ZBTB21: variants seen among roughly 807,000 people sequenced by gnomAD.
The protein encoded by ZBTB21 is zinc finger and BTB domain-containing protein 21.
In ZBTB21, 10 loss-of-function variants were observed where a neutral mutation model predicts 39.8. That is an observed-to-expected ratio of 0.25 (90% CI 0.16 to 0.43). ZBTB21 has a LOEUF of 0.43. Among genes scored for constraint, ZBTB21 ranks in the 20% least tolerant of loss-of-function variants. The probability of loss-of-function intolerance (pLI) is 1.00; values close to 1 mark genes in which losing one functional copy is unlikely to be tolerated. For synonymous variants in ZBTB21, 551 were observed against 498.8 expected (o/e 1.10, Z -1.40); for missense variants, 1,221 against 1,296.3 (o/e 0.94, Z 0.89).
intron 1 of ZBTB21, among the ~76,000 whole-genome samples, chr21:42,005,105 G>A (rs1046264788): frequency 4.6e-5 from 7 of 152,196 alleles, no homozygotes; most frequent in Non-Finnish European, 1.0e-4. Context: ...CCACATTCAG[G>A]AGAATGATCC....
intron 2 of ZBTB21, among the ~76,000 whole-genome samples, chr21:42,001,631 A>C (rs1162620177): frequency 6.6e-6 from 1 of 152,232 alleles, no homozygotes; most frequent in East Asian, 1.9e-4. Context: ...AGAGATAGGA[A>C]GGATGAAGGA....
rs184012580 is a variant in ZBTB21 at position 41,989,587 on chromosome 21, C to T, written c.*1308G>A. The T allele has an allele frequency of 7.9e-5, 12 of 151,942 alleles. No individual in the cohort carries two copies. The highest frequency in any genetic ancestry group is 2.9e-4 in the African/African-American group (12 of 41,476). 9.4% of individuals were successfully genotyped at this position (151,942 alleles called of 1,614,324 possible). ...TATCCTACTGAAAGGCTTTCAATTACAAATTATACATAGTATTCTTTGAAA... is the reference window on the plus strand; with the variant it reads ...TATCCTACTGAAAGGCTTTCAATTATAAATTATACATAGTATTCTTTGAAA... On this transcript the variant is annotated 3_prime_UTR_variant, in exon 3 of 3. Coordinates refer to ENST00000310826, the MANE Select transcript of ZBTB21 (RefSeq NM_001098402.2).
chr21:42,000,498 T>G (rs1351281209), intron 2 of ZBTB21, among the ~76,000 whole-genome samples: 1 of 152,150 alleles, frequency 6.6e-6, no homozygotes, highest in African/African-American at 2.4e-5. Context: ...TCCTGGCCCT[T>G]TAGTGTGAAG....
At chr21:42,009,077 T>C (rs2065921396) in intron 1 of ZBTB21, 1 of 152,232 alleles carries the variant, frequency 6.6e-6, no homozygotes, top group African/African-American at 2.4e-5. Flanking sequence ...TGGACTATTT[T>C]GTAACACACG....
chr21:41,999,382 TATATATATGTACATACCCAC>T, intron 2 of ZBTB21, among the ~76,000 whole-genome samples: 1 of 152,204 alleles, frequency 6.6e-6, no homozygotes, highest in Non-Finnish European at 1.5e-5. Flanking sequence ...TTGTTTCTAT[TATATATATGTACATACCCAC>T]ATAAGCAAGC....
intron 2 of ZBTB21, among the ~76,000 whole-genome samples, chr21:42,000,615 T>C (rs2065806380): frequency 6.6e-6 from 1 of 152,256 alleles, no homozygotes; most frequent in Non-Finnish European, 1.5e-5. Flanking sequence ...CCCTTTTGTT[T>C]AGAAAGGTTT....
rs1328762466 is a variant in ZBTB21 at position 41,988,522 on chromosome 21, AAT to A, written c.*2371_*2372del. The A allele has an allele frequency of 1.3e-5, 2 of 152,114 alleles. No homozygotes were observed. Among genetic ancestry groups the A allele is most frequent in the African/African-American group, 4.8e-5 (2 of 41,452 alleles). 9.4% of individuals were successfully genotyped at this position (152,114 alleles called of 1,614,324 possible). ...CATTATTTTACTTCTTAACATTTAA[AAT>A]AGTTACATGAGTGGAAGCATATTTT... On this transcript the variant is annotated 3_prime_UTR_variant, in exon 3 of 3. Transcript: ENST00000310826.
intron 1 of ZBTB21, 109 bp from the exon 2 acceptor site, chr21:42,003,070 GCCA>G (rs1273792345): frequency 3.3e-5 from 5 of 152,300 alleles, no homozygotes; most frequent in African/African-American, 9.6e-5. Flanking sequence ...TCCTGGCTCC[GCCA>G]CCTATTAGGC....
Position 41,990,008 on chromosome 21 carries a change from T to C in ZBTB21, c.*887A>G, listed in dbSNP as rs1305504319. On this transcript the variant is annotated 3_prime_UTR_variant, in exon 3 of 3. Coordinates refer to ENST00000310826, the MANE Select transcript of ZBTB21 (RefSeq NM_001098402.2). ...GCCATATGGTTAGCTTTGTTTTTTG[T>C]CCTAACTACACTCAGATTTTCAATT... The C allele has an allele frequency of 6.6e-6, 1 of 152,234 alleles. No homozygotes were observed. Among genetic ancestry groups the C allele is most frequent in the East Asian group, 1.9e-4 (1 of 5,208 alleles). The allele number at this position is 152,234 out of a possible 1,614,324, so 9.4% of individuals were successfully genotyped here.
intron 1 of ZBTB21, among the ~76,000 whole-genome samples, chr21:42,005,495 G>GT (rs1412435234): frequency 1.3e-5 from 2 of 152,274 alleles, no homozygotes; most frequent in South Asian, 2.1e-4. Flanking sequence ...TCCTGGCCCA[G>GT]TTTTTTAGCT....
At chr21:42,002,672 C>T (rs1035331253) in intron 2 of ZBTB21, 12 of 152,182 alleles carry the variant, frequency 7.9e-5, no homozygotes, top group African/African-American at 2.9e-4. Context: ...CACATAAACA[C>T]GCACTGCTGC....
At position 41,992,085 on chromosome 21, in the gene ZBTB21, T is replaced by C. The variant is rs765879473; in HGVS notation, c.2011A>G (p.Ile671Val). ...NLRSRAKGAY[I>V]CTYCGKAYRF... The stretch of plus-strand genomic sequence containing the variant: ...TACGCTTTTCCGCAGTAAGTACAAA[T>C]GTAAGCTCCTTTGGCTCGAGATCTC... Residue 671 changes from isoleucine (I) to valine (V), a missense_variant, in exon 3 of 3, where the codon ATT becomes GTT. This residue lies in a region of ZBTB21 where 523 missense variants were observed against 542.5 expected (regional missense o/e 0.96). Transcript: ENST00000310826. The surrounding 1 kb of genome is among the most constrained non-coding windows in gnomAD (Gnocchi z 4.1). 35 of 1,614,078 alleles carry C rather than the reference T, an allele frequency of 2.2e-5. 1 individual carries two copies. The highest frequency in any genetic ancestry group is 1.8e-4 in the East Asian group (8 of 44,896).
intron 1 of ZBTB21, among the ~76,000 whole-genome samples, chr21:42,005,148 T>C (rs774621722): frequency 1.3e-5 from 2 of 152,236 alleles, no homozygotes; most frequent in East Asian, 1.9e-4. Flanking sequence ...CTTTGCACCT[T>C]AGCAGAGCAG....
rs753620903 is a variant in ZBTB21 at position 41,993,187 on chromosome 21, T to C, written c.909A>G (p.Glu303=). The C allele has an allele frequency of 4.3e-6, 7 of 1,613,494 alleles. No homozygotes were observed. The highest frequency in any genetic ancestry group is 5.1e-6 in the Non-Finnish European group (6 of 1,180,038). ...KETNKGNGQG[E]DRNLLYYSKL... is the part of the protein sequence containing the mutation. ...TTGAATAGTACAACAAGTTTCTATC[T>C]TCACCTTGACCATTTCCTTTGTTAG... The change falls in exon 3 of 3, where the codon GAA becomes GAG. Residue 303 remains glutamate, a synonymous_variant. Transcript: ENST00000310826.
intron 2 of ZBTB21, among the ~76,000 whole-genome samples, chr21:41,996,280 G>T (rs1234807326): frequency 6.6e-6 from 1 of 152,208 alleles, no homozygotes; most frequent in Admixed American, 6.5e-5. Flanking sequence ...AGCCAGGAGT[G>T]GGGGCTATAC....
At chr21:42,008,774 G>C (rs945227171) in intron 1 of ZBTB21, among the ~76,000 whole-genome samples, 1 of 152,008 alleles carries the variant, frequency 6.6e-6, no homozygotes, top group African/African-American at 2.4e-5. Context: ...TTTCAATAAA[G>C]TGTTAAAAAG....
In ZBTB21 at chr21:41,993,865, T is replaced by C. The variant is rs2065709616; in HGVS notation, c.231A>G (p.Pro77=). 1.9e-6 allele frequency: 3 copies of C among 1,614,052 alleles called. No individual in the cohort carries two copies. Among genetic ancestry groups the C allele is most frequent in the African/African-American group, 2.7e-5 (2 of 75,046 alleles). ...AGTTTAAAACATTATCAAAAGCATC[T>C]GGCTCACAGAAGTCAAGCTGAAATA... is the stretch of plus-strand genomic sequence containing the variant. ...QTVFQLDFCE[P]DAFDNVLNYI... The change falls in exon 3 of 3, where the codon CCA becomes CCG. Residue 77 remains proline, a synonymous_variant. Coordinates refer to ENST00000310826, the MANE Select transcript of ZBTB21 (RefSeq NM_001098402.2).
rs748586028 is a variant in ZBTB21, at chr21:41,992,922, T to C, written c.1174A>G (p.Lys392Glu). The C allele has an allele frequency of 5.6e-6, 9 of 1,614,064 alleles. No individual in the cohort carries two copies. Among genetic ancestry groups the C allele is most frequent in the South Asian group, 1.1e-5 (1 of 91,082 alleles). ...QKSSLKDCSE[K>E]TALDDRPQVL... ...TGAGGCCTGTCATCTAGGGCTGTTT[T>C]TTCACTACAATCTTTTAAAGATGAC... Residue 392 changes from lysine (K) to glutamate (E), a missense_variant, in exon 3 of 3, where the codon AAA becomes GAA. By Grantham distance (56) the Lys-to-Glu change is moderately conservative. Around this residue, in one of 4 missense-constraint regions of ZBTB21, gnomAD observed 500 missense variants for 465.6 expected, o/e 1.07. Coordinates refer to ENST00000310826, the MANE Select transcript of ZBTB21 (RefSeq NM_001098402.2). The surrounding 1 kb of genome is among the most constrained non-coding windows in gnomAD (Gnocchi z 4.1).
chr21:42,006,915 G>GA (rs951092844), intron 1 of ZBTB21, among the ~76,000 whole-genome samples: 3 of 152,210 alleles, frequency 2.0e-5, no homozygotes, highest in Admixed American at 2.0e-4. Context: ...AGAAGCCTCA[G>GA]AAGAAGCCAA....
Sources: gnomAD v4.1 joint callset for allele counts (sites outside exome capture counted in the v4.1 genomes callset) on GRCh38, gnomAD v4.1.1 for gene constraint, gnomAD v4.1.1 regional missense constraint, Gnocchi (gnomAD v3.1) non-coding constraint, MANE v1.5 for transcripts, NCBI Gene and HGNC (gene_info 2026-07-23, HGNC 2026-07-21) for gene names.